Variants in MIB1 observed in about 807,000 individuals in gnomAD.
MIB1 encodes the protein MIB E3 ubiquitin protein ligase 1.
MIB1 carries 278 observed loss-of-function variants against 124.5 expected under a neutral mutation model. The ratio of observed to expected loss-of-function variants is 2.23; its 90% CI spans 2.02 to 2.47. The LOEUF (loss-of-function observed/expected upper bound fraction) is 2.47. Among genes scored for constraint, MIB1 ranks in the 30% most tolerant of loss-of-function variants. MIB1 has a pLI of 0.00. For synonymous variants in MIB1, 446 were observed against 429.4 expected, an observed-to-expected ratio of 1.04 and a Z score of -0.48; for missense variants, 957 against 1,254.4, an observed-to-expected ratio of 0.76 and a Z score of 3.58.
chr18:21,724,721 AAAAAAAATATATAT>A (rs1247403874), intron 1 of MIB1, among the ~76,000 whole-genome samples: 2 of 58,114 alleles, frequency 3.4e-5, no homozygotes, highest in Non-Finnish European at 6.6e-5. Flanking sequence ...CCAAAAAAAA[AAAAAAAATATATAT>A]ATATATATAT....
At chr18:21,790,155 G>T (rs1303570076) in intron 6 of MIB1, among the ~76,000 whole-genome samples, 1 of 152,176 alleles carries the variant, frequency 6.6e-6, no homozygotes, top group Non-Finnish European at 1.5e-5. Context: ...CCATTAAATT[G>T]GCAATGGTGT....
intron 10 of MIB1, among the ~76,000 whole-genome samples, chr18:21,811,393 A>G (rs1313336835): frequency 6.6e-6 from 1 of 152,192 alleles, no homozygotes; most frequent in Non-Finnish European, 1.5e-5. Flanking sequence ...TTGGAAAGGA[A>G]GTCTTGAGGA....
At chr18:21,718,899 T>C (rs1050887394) in intron 1 of MIB1, among the ~76,000 whole-genome samples, 27 of 152,114 alleles carry the variant, frequency 1.8e-4, no homozygotes, top group African/African-American at 6.3e-4. Context: ...AAAAACAATT[T>C]TAAAAAATTA....
At chr18:21,783,998 C>G (rs944954033) in intron 6 of MIB1, among the ~76,000 whole-genome samples, 7 of 151,614 alleles carry the variant, frequency 4.6e-5, no homozygotes, top group African/African-American at 1.7e-4. Context: ...CTGCCTCACC[C>G]TCCCACAATA....
intron 20 of MIB1, among the ~76,000 whole-genome samples, 175 bp downstream of exon 20, chr18:21,858,821 T>C (rs1399969071): frequency 6.6e-6 from 1 of 152,104 alleles, no homozygotes; most frequent in Non-Finnish European, 1.5e-5. Context: ...CTTTCCAAAA[T>C]AGGTAACACA....
At chr18:21,753,794 G>A (rs1401025772) in intron 1 of MIB1, among the ~76,000 whole-genome samples, 2 of 151,622 alleles carry the variant, frequency 1.3e-5, no homozygotes, top group African/African-American at 4.8e-5. Context: ...CTCCTGCCTC[G>A]ATCTCCCAAG....
intron 12 of MIB1, among the ~76,000 whole-genome samples, chr18:21,821,258 T>C (rs974527231): frequency 3.9e-5 from 6 of 152,222 alleles, no homozygotes; most frequent in African/African-American, 1.4e-4. Context: ...AATGGCTCTC[T>C]TCCCCTGTTT....
chr18:21,774,244 G>A (rs1157345331), intron 4 of MIB1, among the ~76,000 whole-genome samples: 2 of 152,170 alleles, frequency 1.3e-5, no homozygotes, highest in East Asian at 3.8e-4. Context: ...AATAATGGAG[G>A]TTTATTCAAT....
chr18:21,722,045 C>A (rs984955706), intron 1 of MIB1, among the ~76,000 whole-genome samples: 1 of 151,490 alleles, frequency 6.6e-6, no homozygotes, highest in African/African-American at 2.4e-5. Context: ...GCTTCTTAAT[C>A]TTTCCGTGTG....
intron 1 of MIB1, among the ~76,000 whole-genome samples, chr18:21,752,953 G>A (rs948303540): frequency 3.9e-5 from 6 of 152,128 alleles, no homozygotes; most frequent in Admixed American, 3.9e-4. Context: ...TTAGATGTGT[G>A]TTTGCCAAAT....
chr18:21,854,777 C>T, intron 18 of MIB1: 1 of 165,194 alleles, frequency 6.1e-6, no homozygotes, highest in Non-Finnish European at 1.3e-5. Context: ...CGTGCTGACA[C>T]TTTTTAAAAT....
In MIB1 at chr18:21,870,722, G is replaced by T. The variant is rs1162103254; in HGVS notation, c.*6056G>T. 6.6e-6 allele frequency: 1 copy of T among 152,060 alleles called. No homozygotes were observed. Among genetic ancestry groups the T allele is most frequent in the Non-Finnish European group, 1.5e-5 (1 of 68,004 alleles). 9.4% of individuals were successfully genotyped at this position (152,060 alleles called of 1,614,324 possible). ...GTTATTGAGAGGTCATCTAGCTCCAGTTCAAAAGATTATGTATATCTGATG... is the reference window on the plus strand; with the variant it reads ...GTTATTGAGAGGTCATCTAGCTCCATTTCAAAAGATTATGTATATCTGATG... On this transcript the variant is annotated 3_prime_UTR_variant, in exon 21 of 21. Transcript: ENST00000261537.
intron 1 of MIB1, among the ~76,000 whole-genome samples, chr18:21,719,585 G>A (rs1270309454): frequency 2.0e-5 from 3 of 151,484 alleles, no homozygotes; most frequent in Admixed American, 6.6e-5. Flanking sequence ...TACCTGGGAC[G>A]ATGGGTATAC....
intron 10 of MIB1, among the ~76,000 whole-genome samples, chr18:21,808,821 T>C (rs368257357): frequency 6.6e-6 from 1 of 152,032 alleles, no homozygotes; most frequent in Non-Finnish European, 1.5e-5. Flanking sequence ...ATAGTAAAGG[T>C]ATGGAGATTT....
intron 18 of MIB1, among the ~76,000 whole-genome samples, chr18:21,854,397 A>G (rs2042207915): frequency 6.6e-6 from 1 of 152,210 alleles, no homozygotes; most frequent in African/African-American, 2.4e-5. Flanking sequence ...TGTGTTCAAT[A>G]AAACTGGTCT....
intron 1 of MIB1, among the ~76,000 whole-genome samples, chr18:21,708,298 A>T (rs974536029): frequency 2.0e-5 from 3 of 152,284 alleles, no homozygotes; most frequent in Admixed American, 6.5e-5. Context: ...AAATGAGATG[A>T]TTGAGATGGA....
At chr18:21,814,742 G>A (rs1320802374) in intron 10 of MIB1, among the ~76,000 whole-genome samples, 4 of 151,126 alleles carry the variant, frequency 2.6e-5, no homozygotes, top group African/African-American at 9.7e-5. Context: ...TCTGGCTAAT[G>A]TTTGTAATTT....
chr18:21,848,908 AG>A, intron 16 of MIB1, among the ~76,000 whole-genome samples: 1 of 151,872 alleles, frequency 6.6e-6, no homozygotes, highest in East Asian at 1.9e-4. Context: ...GTTTATGCTA[AG>A]TTTTTTTTTT....
chr18:21,806,339 T>C (rs902387770), intron 10 of MIB1, among the ~76,000 whole-genome samples: 3 of 152,132 alleles, frequency 2.0e-5, no homozygotes, highest in Non-Finnish European at 4.4e-5. Context: ...TAGCTAGGAC[T>C]ACAGGTGTGT....
Sources: gnomAD v4.1 joint callset for allele counts (sites outside exome capture counted in the v4.1 genomes callset) on GRCh38, gnomAD v4.1.1 for gene constraint, MANE v1.5 for transcripts, NCBI Gene and HGNC (gene_info 2026-07-23, HGNC 2026-07-21) for gene names.